Variants in MBNL2 observed in about 807,000 individuals in gnomAD.
MBNL2 encodes the protein muscleblind-like protein 2.
In MBNL2, 17 loss-of-function variants were observed where a neutral mutation model predicts 41.9. That is an observed-to-expected ratio of 0.41 (90% CI 0.28 to 0.61). The LOEUF is 0.61. MBNL2 is among the 20% of genes least tolerant of loss of function. The pLI is 0.35. For missense variants in MBNL2, 336 were observed against 505.6 expected (o/e 0.66, Z 3.22); for synonymous variants, 195 against 182.9 (o/e 1.07, Z -0.53).
chr13:97,207,424 G>T, the MBNL2 span, among the ~76,000 whole-genome samples: 1 of 152,172 alleles, frequency 6.6e-6, no homozygotes, highest in Non-Finnish European at 1.5e-5. Context: ...CACAATCATG[G>T]TGGAAGGCAA....
chr13:97,334,279 CGTT>C lies in MBNL2; in HGVS notation c.182_184del (p.Cys61del). The C allele has an allele frequency of 6.2e-7, 1 of 1,606,770 alleles. No homozygotes were observed. The highest frequency in any genetic ancestry group is 1.1e-5 in the South Asian group (1 of 89,682). ...AAACCAACACTTGTTTTTACAGGGC[CGTT>C]GTTCGAGAGAGAACTGCAAGTATCT... On this transcript the variant is annotated inframe_deletion, in exon 3 of 9. Transcript: ENST00000679496. This position sits in a 1 kb window ranked among gnomAD's most constrained non-coding sequence, Gnocchi z 5.3.
chr13:97,382,109 T>C (rs1227315230), intron 8 of MBNL2, among the ~76,000 whole-genome samples: 2 of 152,318 alleles, frequency 1.3e-5, no homozygotes, highest in East Asian at 1.9e-4. Flanking sequence ...GTCCCACATA[T>C]TATATATTTT....
In MBNL2 at chr13:97,357,599, G is replaced by A. The variant is rs760603399; in HGVS notation, c.976G>A (p.Ala326Thr). 12 of 1,613,796 alleles carry A rather than the reference G, an allele frequency of 7.4e-6. No homozygotes were observed. In the South Asian group the frequency reaches 1.3e-4, roughly 18 times the overall value. The change falls in exon 7 of 9, where the codon GCA becomes ACA. Residue 326 changes from alanine to threonine, a missense_variant. Ala to Thr is a moderately conservative substitution (Grantham distance 58). Coordinates refer to ENST00000679496, the MANE Select transcript of MBNL2 (RefSeq NM_001382683.1). The part of the protein sequence containing the change: ...VLHYQQALTS[A>T]QLQQHAAFIP... The stretch of plus-strand genomic sequence containing the variant: ...GCACTACCAGCAGGCTCTCACCAGC[G>A]CACAGTTGCAGCAACACGCCGCGTT...
At chr13:97,203,357 G>A in the MBNL2 span, among the ~76,000 whole-genome samples, 1 of 152,078 alleles carries the variant, frequency 6.6e-6, no homozygotes, top group Non-Finnish European at 1.5e-5. Context: ...GTGAATAGAG[G>A]CGCAAGTCTT....
intron 5 of MBNL2, among the ~76,000 whole-genome samples, chr13:97,351,869 C>G (rs1170703251): frequency 6.6e-6 from 1 of 151,862 alleles, no homozygotes; most frequent in African/African-American, 2.4e-5. Context: ...ACTAAAAATA[C>G]AAAAATTAGC....
intron 7 of MBNL2, among the ~76,000 whole-genome samples, chr13:97,359,933 G>C (rs1227918905): frequency 6.6e-6 from 1 of 152,012 alleles, no homozygotes; most frequent in Non-Finnish European, 1.5e-5. Context: ...ACCCATACCA[G>C]GAATTTTATT....
intron 8 of MBNL2, among the ~76,000 whole-genome samples, chr13:97,371,839 C>T (rs932281328): frequency 2.6e-5 from 4 of 152,170 alleles, no homozygotes; most frequent in African/African-American, 9.6e-5. Flanking sequence ...ATAAATGTCA[C>T]ATGGTAGAAA....
intron 2 of MBNL2, among the ~76,000 whole-genome samples, chr13:97,314,625 T>C (rs530874044): frequency 6.6e-6 from 1 of 152,346 alleles, no homozygotes; most frequent in South Asian, 2.1e-4. Flanking sequence ...GATTGAAAAC[T>C]GGTAGTCAAT....
chr13:97,144,267 C>T, the MBNL2 span, among the ~76,000 whole-genome samples: 6 of 152,128 alleles, frequency 3.9e-5, no homozygotes, highest in Non-Finnish European at 7.3e-5. Flanking sequence ...CTGCTAGGAT[C>T]GCACCTCCAT....
the MBNL2 span, among the ~76,000 whole-genome samples, chr13:97,159,021 G>C: frequency 6.6e-6 from 1 of 150,516 alleles, no homozygotes; most frequent in Non-Finnish European, 1.5e-5. Context: ...TTATTAATGT[G>C]TGGGAGTCTA....
chr13:97,236,279 G>A (rs1267508137), intron 1 of MBNL2, among the ~76,000 whole-genome samples: 1 of 152,096 alleles, frequency 6.6e-6, no homozygotes, highest in African/African-American at 2.4e-5. Context: ...GCAAGAAAAG[G>A]TTTCTCTCAG....
intron 1 of MBNL2, among the ~76,000 whole-genome samples, chr13:97,248,493 G>C (rs1456733722): frequency 6.6e-6 from 1 of 152,144 alleles, no homozygotes; most frequent in African/African-American, 2.4e-5. Context: ...TAGCTTAGTT[G>C]GTTAAAGCAG....
the MBNL2 span, among the ~76,000 whole-genome samples, chr13:97,191,053 C>T: frequency 6.6e-6 from 1 of 152,036 alleles, no homozygotes; most frequent in African/African-American, 2.4e-5. Flanking sequence ...GTAATGAAGT[C>T]ATACTATTGT....
chr13:97,189,800 T>G, the MBNL2 span, among the ~76,000 whole-genome samples: 1 of 152,150 alleles, frequency 6.6e-6, no homozygotes, highest in East Asian at 1.9e-4. Flanking sequence ...TGATCACAAC[T>G]TAAAGGGACA....
chr13:97,297,905 A>G (rs1321373683), intron 2 of MBNL2, among the ~76,000 whole-genome samples: 2 of 152,110 alleles, frequency 1.3e-5, no homozygotes, highest in Non-Finnish European at 2.9e-5. Flanking sequence ...CTAGAGCAGC[A>G]ATGAATAAAT....
At chr13:97,297,395 C>T (rs1191609950) in intron 2 of MBNL2, among the ~76,000 whole-genome samples, 1 of 152,128 alleles carries the variant, frequency 6.6e-6, no homozygotes, top group Non-Finnish European at 1.5e-5. Context: ...AGATCTATGG[C>T]ATGAGCTCTG....
intron 1 of MBNL2, among the ~76,000 whole-genome samples, chr13:97,255,419 T>C (rs2047338655): frequency 6.6e-6 from 1 of 152,216 alleles, no homozygotes; most frequent in African/African-American, 2.4e-5. Context: ...ATGTTTTCCT[T>C]GGGCCACGTA....
At chr13:97,239,324 C>T (rs922506688) in intron 1 of MBNL2, among the ~76,000 whole-genome samples, 1 of 152,166 alleles carries the variant, frequency 6.6e-6, no homozygotes, top group African/African-American at 2.4e-5. Context: ...TAGTAATCTC[C>T]ATGCATTTTA....
intron 1 of MBNL2, among the ~76,000 whole-genome samples, chr13:97,233,224 G>T (rs2042705794): frequency 7.6e-6 from 1 of 131,810 alleles, no homozygotes; most frequent in African/African-American, 2.9e-5. Flanking sequence ...CAACATGCAG[G>T]TTTGTTACAT....
Sources: allele counts gnomAD v4.1 joint callset (sites outside exome capture counted in the v4.1 genomes callset), GRCh38; gene constraint gnomAD v4.1.1; non-coding constraint Gnocchi (gnomAD v3.1); transcripts MANE v1.5; gene names NCBI Gene and HGNC (gene_info 2026-07-23, HGNC 2026-07-21).